Variants in ZNF736 observed in about 807,000 individuals in gnomAD.
ZNF736 encodes zinc finger protein 736.
In ZNF736, 6 loss-of-function variants were observed where a neutral mutation model predicts 11.7. That is an observed-to-expected ratio of 0.51 (90% CI 0.28 to 1.01). ZNF736 has a LOEUF of 1.01. ZNF736 is among the 50% of genes least tolerant of loss of function. The pLI is 0.09. For synonymous variants in ZNF736, 139 were observed against 164.7 expected (o/e 0.84, Z 1.19); for missense variants, 444 against 496.0 (o/e 0.90, Z 1.00).
chr7:64,350,276 C>G lies in ZNF736; in HGVS notation c.*1129C>G, dbSNP rs1482270986. The G allele has an allele frequency of 2.0e-5, 3 of 152,048 alleles. No homozygotes were observed. The highest frequency in any genetic ancestry group is 7.2e-5 in the African/African-American group (3 of 41,406). 9.4% of individuals were successfully genotyped at this position (152,048 alleles called of 1,614,324 possible). A position where few individuals can be genotyped will look rare whatever the true frequency, so the allele number is the denominator to read the frequency against. ...TCCTCTTTATTCTTTTTTCACTGTT[C>G]TTGTCTGTCTGATTTCAGAAAGCCA... On this transcript the variant is annotated 3_prime_UTR_variant, in exon 4 of 4. Coordinates refer to ENST00000423484, the MANE Select transcript of ZNF736 (RefSeq NM_001170905.3).
rs1328549079 is a variant in ZNF736, at chr7:64,356,239, T to TA, written c.*7094dup. The TA allele has an allele frequency of 6.6e-6, 1 of 152,230 alleles. No individual in the cohort carries two copies. The highest frequency in any genetic ancestry group is 1.5e-5 in the Non-Finnish European group (1 of 68,040). The allele number at this position is 152,230 out of a possible 1,614,324, so 9.4% of individuals were successfully genotyped here. ...ATGAATCTATTTCAGTTTTTGTGGG[T>TA]AATTTAGCCAGTAAATTTAATCTTA... On this transcript the variant is annotated 3_prime_UTR_variant, in exon 4 of 4. Coordinates refer to ENST00000423484, the MANE Select transcript of ZNF736 (RefSeq NM_001170905.3).
At chr7:64,339,523 C>T (rs1430902470) in intron 3 of ZNF736, among the ~76,000 whole-genome samples, 3 of 151,956 alleles carry the variant, frequency 2.0e-5, no homozygotes, top group Non-Finnish European at 4.4e-5. Context: ...TTCCCAGCCC[C>T]AAGTGTGGAA....
At chr7:64,326,326 T>C (rs1247648084) in intron 1 of ZNF736, among the ~76,000 whole-genome samples, 2 of 152,082 alleles carry the variant, frequency 1.3e-5, no homozygotes, top group Non-Finnish European at 2.9e-5. Flanking sequence ...TAATACACAG[T>C]CCCTTCCAGA....
At chr7:64,324,389 T>C (rs1789053886) in intron 1 of ZNF736, among the ~76,000 whole-genome samples, 1 of 152,064 alleles carries the variant, frequency 6.6e-6, no homozygotes, top group South Asian at 2.1e-4. Context: ...GAGGTTCTGC[T>C]CTAGTGCACA....
intron 1 of ZNF736, among the ~76,000 whole-genome samples, chr7:64,315,637 T>C (rs6974000): frequency 0.089 from 13,592 of 152,188 alleles, 986 homozygotes; most frequent in African/African-American, 0.19. Flanking sequence ...TTCAGCCTAA[T>C]TGCTAGCTAT....
rs139064624 is a variant in ZNF736 at position 64,325,516 on chromosome 7, C to T, written c.4-10743C>T. 5.5e-3 allele frequency among the ~76,000 whole-genome samples: 840 copies of T among 152,236 alleles called. 16 individuals are homozygous for T. The highest frequency in any genetic ancestry group is 0.019 in the African/African-American group (782 of 41,526). ...ACAAATTGTACCCAATGCCACTCGTCGGGTGCCTGATTAAAATGCCTACTG... is the reference window on the plus strand; with the variant it reads ...ACAAATTGTACCCAATGCCACTCGTTGGGTGCCTGATTAAAATGCCTACTG... On this transcript the variant is annotated intron_variant, in intron 1 of 3. Transcript: ENST00000423484.
At chr7:64,337,177 C>G (rs1394289604) in intron 3 of ZNF736, 195 bp downstream of exon 3, 1 of 597,930 alleles carries the variant, frequency 1.7e-6, no homozygotes, top group East Asian at 2.8e-5. Context: ...CACTGTACTT[C>G]CCCTTCAGTA....
intron 1 of ZNF736, among the ~76,000 whole-genome samples, chr7:64,314,765 A>C (rs1233005340): frequency 6.6e-6 from 1 of 152,014 alleles, no homozygotes. Context: ...GGCTTTTGCC[A>C]TGTTGCTCAG....
intron 1 of ZNF736, among the ~76,000 whole-genome samples, chr7:64,320,053 A>G (rs1040861325): frequency 1.3e-5 from 2 of 152,222 alleles, no homozygotes; most frequent in Non-Finnish European, 2.9e-5. Context: ...TCTAAATATA[A>G]ACTGAAATTT....
intron 1 of ZNF736, among the ~76,000 whole-genome samples, chr7:64,327,987 G>A (rs572311344): frequency 6.6e-6 from 1 of 152,270 alleles, no homozygotes; most frequent in South Asian, 2.1e-4. Context: ...AGGAGGTAGA[G>A]AAAGAGTTAT....
At chr7:64,326,822 T>C (rs1302068192) in intron 1 of ZNF736, among the ~76,000 whole-genome samples, 2 of 152,178 alleles carry the variant, frequency 1.3e-5, no homozygotes, top group African/African-American at 2.4e-5. Context: ...TTCAGGAGCA[T>C]ATTTTAATTT....
chr7:64,324,870 C>T lies in ZNF736; in HGVS notation c.3+10717C>T, dbSNP rs141724173. 3.3e-3 allele frequency among the ~76,000 whole-genome samples: 504 copies of T among 152,322 alleles called. 3 individuals carry two copies. The highest frequency in any genetic ancestry group is 0.01 in the African/African-American group (435 of 41,566). On this transcript the variant is annotated intron_variant, in intron 1 of 3. Coordinates refer to ENST00000423484, the MANE Select transcript of ZNF736 (RefSeq NM_001170905.3). ...AATTCAAAATTTAAGCTGTTTGATA[C>T]TCTAAATTATTCTGGGTCTTAAAGG...
intron 1 of ZNF736, among the ~76,000 whole-genome samples, chr7:64,314,566 G>A (rs1257910743): frequency 6.6e-6 from 1 of 151,928 alleles, no homozygotes; most frequent in Non-Finnish European, 1.5e-5. Flanking sequence ...TAAAATCATG[G>A]CCCTTTTTTA....
chr7:64,330,847 G>A (rs927501509), intron 1 of ZNF736, among the ~76,000 whole-genome samples: 1 of 151,044 alleles, frequency 6.6e-6, no homozygotes, highest in African/African-American at 2.5e-5. Context: ...TGTCACTCAG[G>A]AACTAAGTCC....
chr7:64,335,181 T>C (rs1789228845), intron 1 of ZNF736, among the ~76,000 whole-genome samples: 1 of 151,928 alleles, frequency 6.6e-6, no homozygotes, highest in African/African-American at 2.4e-5. Context: ...ATAGGACAAA[T>C]ACCTAATGCA....
chr7:64,354,113 G>A lies in ZNF736; in HGVS notation c.*4966G>A, dbSNP rs1390839810. On this transcript the variant is annotated 3_prime_UTR_variant, in exon 4 of 4. Coordinates refer to ENST00000423484, the MANE Select transcript of ZNF736 (RefSeq NM_001170905.3). ...CTACAACTTACATTTTTGTTTACTT[G>A]TAACTACAGATTATTATGATGGTTG... is the stretch of plus-strand genomic sequence containing the variant. 1 of 152,028 alleles carries A rather than the reference G, an allele frequency of 6.6e-6. No homozygotes were observed. Among genetic ancestry groups the A allele is most frequent in the Non-Finnish European group, 1.5e-5 (1 of 67,976 alleles). The allele number at this position is 152,028 out of a possible 1,614,324, so 9.4% of individuals were successfully genotyped here. A position where few individuals can be genotyped will look rare whatever the true frequency, so the allele number is the denominator to read the frequency against.
At position 64,352,394 on chromosome 7, in the gene ZNF736, A is replaced by C. The variant is rs1015604600; in HGVS notation, c.*3247A>C. On this transcript the variant is annotated 3_prime_UTR_variant, in exon 4 of 4. Transcript: ENST00000423484. ...GAAGGTCCTACCCAGTGAGGAAAACATGATTGGGGACCCACTTAAGAAAGC... is the reference window on the plus strand; with the variant it reads ...GAAGGTCCTACCCAGTGAGGAAAACCTGATTGGGGACCCACTTAAGAAAGC... The C allele has an allele frequency of 6.6e-6, 1 of 152,238 alleles. No homozygotes were observed. Among genetic ancestry groups the C allele is most frequent in the Admixed American group, 6.5e-5 (1 of 15,284 alleles). The allele number at this position is 152,238 out of a possible 1,614,324, so 9.4% of individuals were successfully genotyped here.
At position 64,346,279 on chromosome 7, in the gene ZNF736, C is replaced by G. The variant is rs368522067; in HGVS notation, c.227-1811C>G. Among the ~76,000 whole-genome samples the G allele has an allele frequency of 2.0e-5, 3 of 151,760 alleles. No individual in the cohort carries two copies. In the East Asian group the frequency reaches 5.8e-4, roughly 29 times the overall value. ...CTTAATAAATTGTTGCCTCTTCTCT[C>G]ATTTGGTTAACACTTGCATAAAATG... On this transcript the variant is annotated intron_variant, in intron 3 of 3. Coordinates refer to ENST00000423484, the MANE Select transcript of ZNF736 (RefSeq NM_001170905.3).
chr7:64,314,171 G>A lies in ZNF736; in HGVS notation c.3+18G>A, dbSNP rs1320629335. 5.2e-6 allele frequency: 8 copies of A among 1,551,792 alleles called. No homozygotes were observed. The African/African-American group carries it at 8.2e-5, about 16-fold the overall frequency. ...GGGAAATGGTGAGTGCGTGGAGTGG[G>A]TGTCCCGAGAATGGGGAAGAGGCTG... On this transcript the variant is annotated intron_variant, in intron 1 of 3. Coordinates refer to ENST00000423484, the MANE Select transcript of ZNF736 (RefSeq NM_001170905.3).
Sources: gnomAD v4.1 joint callset for allele counts (sites outside exome capture counted in the v4.1 genomes callset) on GRCh38, gnomAD v4.1.1 for gene constraint, MANE v1.5 for transcripts, NCBI Gene and HGNC (gene_info 2026-07-23, HGNC 2026-07-21) for gene names.